Variants in LACTB observed in about 807,000 individuals in gnomAD.
The protein encoded by LACTB is lactamase beta.
A neutral mutation model predicts 50.2 loss-of-function variants in LACTB; 35 were observed. The observed-to-expected ratio is 0.70, with a 90% CI of 0.53 to 0.92. The LOEUF (loss-of-function observed/expected upper bound fraction) is 0.92, where lower values mean the gene tolerates loss of function less well. Among genes scored for constraint, LACTB ranks in the 40% least tolerant of loss-of-function variants. The pLI, the probability that LACTB is intolerant of heterozygous loss-of-function variation, is 0.00. For missense variants in LACTB, 664 were observed against 691.8 expected (o/e 0.96, Z 0.45); for synonymous variants, 252 against 268.2 (o/e 0.94, Z 0.59).
At chr15:63,132,327 A>G (rs2037141673) in intron 5 of LACTB, among the ~76,000 whole-genome samples, 1 of 152,168 alleles carries the variant, frequency 6.6e-6, no homozygotes, top group African/African-American at 2.4e-5. Context: ...TTTCTACATT[A>G]ATTCACTTAG....
chr15:63,123,508 CAA>C (rs1208438316), intron 2 of LACTB, among the ~76,000 whole-genome samples: 2 of 152,150 alleles, frequency 1.3e-5, no homozygotes, highest in African/African-American at 4.8e-5. Flanking sequence ...AGACACAAGA[CAA>C]AGAGATAAAA....
At position 63,140,785 on chromosome 15, in the gene LACTB, T is replaced by C. The variant is rs535903799; in HGVS notation, c.1119-495T>C. Among the ~76,000 whole-genome samples the C allele has an allele frequency of 6.6e-5, 10 of 152,300 alleles. No homozygotes were observed. The South Asian group carries it at 1.0e-3, about 16-fold the overall frequency. ...CACCAGCTGCTGCACCCAGCTTATA[T>C]GGTATTTTTATCCAAGAAATCTAGT... On this transcript the variant is annotated intron_variant, in intron 5 of 5. Transcript: ENST00000261893.
In LACTB at chr15:63,122,121, C is replaced by T; in HGVS notation, c.250C>T (p.Gln84Ter). The T allele has an allele frequency of 3.4e-6, 5 of 1,488,090 alleles. No homozygotes were observed. Among genetic ancestry groups the T allele is most frequent in the Non-Finnish European group, 4.4e-6 (5 of 1,126,746 alleles). The allele number at this position is 1,488,090 out of a possible 1,614,324, so 92.2% of individuals were successfully genotyped here. ...PEASPLAEPPQEQSLAPWSPQ... is the reference protein window; with the variant it reads ...PEASPLAEPP ...GGCGTCGCCTCTGGCCGAGCCGCCA[C>T]AGGAGCAGTCCCTCGCCCCGTGGTC... Residue 84 changes from glutamine (Q) to a stop codon, truncating the protein, a stop_gained, in exon 1 of 6, where the codon CAG (glutamine) becomes TAG (stop). Coordinates refer to ENST00000261893, the MANE Select transcript of LACTB (RefSeq NM_032857.5). LOFTEE classifies it high-confidence loss of function.
chr15:63,141,241 CTA>C (rs776698684), intron 5 of LACTB, 37 bp from the exon 6 acceptor site: 4 of 1,549,570 alleles, frequency 2.6e-6, no homozygotes, highest in Non-Finnish European at 2.6e-6. Flanking sequence ...AAGCCAGTGA[CTA>C]TGAAATTTTT....
rs1224285321 is a variant in LACTB, at chr15:63,122,162, G to C, written c.291G>C (p.Ala97=). 8 of 1,516,588 alleles carry C rather than the reference G, an allele frequency of 5.3e-6. No homozygotes were observed. The highest frequency in any genetic ancestry group is 7.0e-6 in the Non-Finnish European group (8 of 1,140,126). The allele number at this position is 1,516,588 out of a possible 1,614,324, so 93.9% of individuals were successfully genotyped here. A position where few individuals can be genotyped will look rare whatever the true frequency, so the allele number is the denominator to read the frequency against. ...CCCCGTGGTCTCCGCAGACCCCGGC[G>C]CCGCCCTGCTCCAGGTGCTTCGCCA... The part of the protein sequence containing the change: ...SLAPWSPQTP[A]PPCSRCFARA... Residue 97 remains alanine, a synonymous_variant, in exon 1 of 6, where the codon GCG becomes GCC. Transcript: ENST00000261893.
chr15:63,136,324 T>G (rs541060223), intron 5 of LACTB, among the ~76,000 whole-genome samples: 2 of 152,318 alleles, frequency 1.3e-5, no homozygotes, highest in Non-Finnish European at 2.9e-5. Context: ...GGCGTGAGCC[T>G]AGCTCATTTT....
chr15:63,122,459 G>A (rs577129469), intron 1 of LACTB, 177 bp from the exon 2 acceptor site: 3 of 703,560 alleles, frequency 4.3e-6, no homozygotes. Context: ...CCTAGGGGGC[G>A]GACAGGCACA....
chr15:63,140,604 A>C (rs2037219216), intron 5 of LACTB, among the ~76,000 whole-genome samples: 1 of 152,188 alleles, frequency 6.6e-6, no homozygotes, highest in South Asian at 2.1e-4. Context: ...TGCACCAAGA[A>C]ACTACCATGT....
At chr15:63,134,132 T>C (rs189915694) in intron 5 of LACTB, among the ~76,000 whole-genome samples, 3 of 152,258 alleles carry the variant, frequency 2.0e-5, no homozygotes, top group Non-Finnish European at 2.9e-5. Flanking sequence ...TCCTCTCTCT[T>C]CATACCATAG....
Position 63,141,564 on chromosome 15 carries a change from A to G in LACTB, c.1403A>G (p.Glu468Gly). The change falls in exon 6 of 6, where the codon GAA becomes GGA. Residue 468 changes from glutamate to glycine, a missense_variant. Transcript: ENST00000261893. ...TATGCAATGGCGTGGGGTGTTGTGG[A>G]AAGGAAACAAACGTATGGTTCGTGT... ...GKYAMAWGVV[E>G]RKQTYGSCRK... is the part of the protein sequence containing the mutation. 7 of 1,614,224 alleles carry G rather than the reference A, an allele frequency of 4.3e-6. No homozygotes were observed. Among genetic ancestry groups the G allele is most frequent in the Non-Finnish European group, 5.9e-6 (7 of 1,180,036 alleles).
intron 5 of LACTB, among the ~76,000 whole-genome samples, chr15:63,138,657 C>G (rs1207300466): frequency 6.6e-6 from 1 of 152,144 alleles, no homozygotes; most frequent in African/African-American, 2.4e-5. Context: ...GTCTAGAAGT[C>G]TCCATATTTT....
chr15:63,122,443 C>A, intron 1 of LACTB, 193 bp from the exon 2 acceptor site: 1 of 685,368 alleles, frequency 1.5e-6, no homozygotes, highest in Non-Finnish European at 2.5e-6. Context: ...GGGACCGCCC[C>A]TTCCCCCTAG....
chr15:63,138,900 A>T (rs986749556), intron 5 of LACTB, among the ~76,000 whole-genome samples: 1 of 151,246 alleles, frequency 6.6e-6, no homozygotes, highest in African/African-American at 2.4e-5. Context: ...TATATATATT[A>T]GCTGTGCGTG....
At position 63,141,366 on chromosome 15, in the gene LACTB, C is replaced by G. The variant is rs1287723878; in HGVS notation, c.1205C>G (p.Ser402Cys). 6.2e-7 allele frequency: 1 copy of G among 1,614,052 alleles called. No individual in the cohort carries two copies. The highest frequency in any genetic ancestry group is 2.2e-5 in the East Asian group (1 of 44,898). ...SYKWAGGGFL[S>C]TVGDLLKFGN... is the part of the protein sequence containing the mutation. ...AAATGGGCTGGTGGTGGATTTCTGTCTACAGTGGGTGACCTTCTGAAATTT... is the reference window on the plus strand; with the variant it reads ...AAATGGGCTGGTGGTGGATTTCTGTGTACAGTGGGTGACCTTCTGAAATTT... Residue 402 changes from serine (S) to cysteine (C), a missense_variant, in exon 6 of 6, where the codon TCT becomes TGT. Coordinates refer to ENST00000261893, the MANE Select transcript of LACTB (RefSeq NM_032857.5).
chr15:63,140,152 A>G (rs1368410280), intron 5 of LACTB, among the ~76,000 whole-genome samples: 2 of 152,226 alleles, frequency 1.3e-5, no homozygotes, highest in African/African-American at 2.4e-5. Context: ...ATGTGTTTCT[A>G]TTATGTAACT....
chr15:63,127,167 GT>G, intron 3 of LACTB, 118 bp downstream of exon 3: 1 of 962,170 alleles, frequency 1.0e-6, no homozygotes, highest in Non-Finnish European at 1.5e-6. Flanking sequence ...TAATGTATTA[GT>G]TTTTCTTAAT....
chr15:63,139,746 C>G (rs1595718747), intron 5 of LACTB, among the ~76,000 whole-genome samples: 1 of 151,894 alleles, frequency 6.6e-6, no homozygotes. Flanking sequence ...GGCAGGAGAA[C>G]CAAACTGCAG....
chr15:63,134,494 A>G (rs563843851), intron 5 of LACTB, among the ~76,000 whole-genome samples: 6 of 152,244 alleles, frequency 3.9e-5, no homozygotes, highest in African/African-American at 9.6e-5. Flanking sequence ...CTGAAGCTCA[A>G]TCACAGCCCT....
intron 4 of LACTB, 196 bp from the exon 5 acceptor site, chr15:63,129,289 T>C: frequency 2.5e-6 from 1 of 399,462 alleles, no homozygotes; most frequent in Non-Finnish European, 4.4e-6. Context: ...TTTATTCTTG[T>C]GTTAAGGACT....
Sources: gnomAD v4.1 joint callset for allele counts (sites outside exome capture counted in the v4.1 genomes callset) on GRCh38, gnomAD v4.1.1 for gene constraint, MANE v1.5 for transcripts, NCBI Gene and HGNC (gene_info 2026-07-23, HGNC 2026-07-21) for gene names.